WDFY4: variants seen among roughly 807,000 people sequenced by gnomAD.
WDFY4 encodes the protein WD repeat- and FYVE domain-containing protein 4.
A neutral mutation model predicts 351.9 loss-of-function variants in WDFY4; 169 were observed. The observed-to-expected ratio is 0.48, with a 90% CI of 0.42 to 0.55. The LOEUF (loss-of-function observed/expected upper bound fraction) is 0.55, where lower values mean the gene tolerates loss of function less well. WDFY4 is among the 20% of genes least tolerant of loss of function. WDFY4 has a pLI of 0.00. For synonymous variants in WDFY4, 1,622 were observed against 1,574.6 expected (o/e 1.03, Z -0.71); for missense variants, 3,803 against 3,935.6 (o/e 0.97, Z 0.90).
At chr10:48,813,725 G>A (rs934060315) in intron 30 of WDFY4, among the ~76,000 whole-genome samples, 7 of 152,200 alleles carry the variant, frequency 4.6e-5, no homozygotes, top group Non-Finnish European at 1.0e-4. Flanking sequence ...CAAAATAACT[G>A]AACTACATGC....
chr10:48,822,125 G>A (rs903452917), intron 34 of WDFY4, among the ~76,000 whole-genome samples: 1 of 152,146 alleles, frequency 6.6e-6, no homozygotes, highest in African/African-American at 2.4e-5. Context: ...CCTCCAAAAA[G>A]CCACAGGAAG....
At position 48,779,364 on chromosome 10, in the gene WDFY4, G is replaced by A. The variant is rs375692079; in HGVS notation, c.3397+532G>A. Among the ~76,000 whole-genome samples, 19 of 152,334 alleles carry A rather than the reference G, an allele frequency of 1.2e-4. 1 individual carries two copies. The South Asian group carries it at 1.4e-3, about 12-fold the overall frequency. On this transcript the variant is annotated intron_variant, in intron 18 of 61. Coordinates refer to ENST00000325239, the MANE Select transcript of WDFY4 (RefSeq NM_001394531.1). ...CTGGCTCTGCCCTTTGGAGCCCAGC[G>A]TTGTTCTCCAGGCTCATTTGCCTGA...
intron 52 of WDFY4, among the ~76,000 whole-genome samples, chr10:48,958,381 G>GGAGGT (rs1841705891): frequency 6.6e-6 from 1 of 152,170 alleles, no homozygotes; most frequent in African/African-American, 2.4e-5. Flanking sequence ...AGTCACTCAG[G>GGAGGT]GAGGGTGGCA....
chr10:48,826,606 A>T, intron 35 of WDFY4, 65 bp from the exon 36 acceptor site: 3 of 1,252,870 alleles, frequency 2.4e-6, no homozygotes. Context: ...GGTAAACTGG[A>T]TCTGTATCTA....
chr10:48,769,684 T>C (rs1435750769), intron 13 of WDFY4, among the ~76,000 whole-genome samples: 2 of 152,164 alleles, frequency 1.3e-5, no homozygotes. Context: ...CCAACACCCA[T>C]GCCTCTTTAG....
At chr10:48,892,996 A>C (rs1447434157) in intron 44 of WDFY4, among the ~76,000 whole-genome samples, 2 of 152,250 alleles carry the variant, frequency 1.3e-5, no homozygotes, top group Non-Finnish European at 2.9e-5. Flanking sequence ...CACACACACA[A>C]AAAAACAGAA....
intron 44 of WDFY4, among the ~76,000 whole-genome samples, chr10:48,894,243 G>A (rs1836959576): frequency 1.3e-5 from 2 of 152,206 alleles, no homozygotes; most frequent in South Asian, 4.1e-4. Context: ...ATTTTCCAGA[G>A]CATTCTTCCA....
At chr10:48,811,832 GC>G in intron 30 of WDFY4, 124 bp downstream of exon 30, 1 of 1,012,672 alleles carries the variant, frequency 9.9e-7, no homozygotes, top group Non-Finnish European at 1.4e-6. Context: ...TGGGGTGCTG[GC>G]CCACTTCCCT....
chr10:48,936,845 A>G (rs2133724834), intron 47 of WDFY4, among the ~76,000 whole-genome samples: 1 of 151,500 alleles, frequency 6.6e-6, no homozygotes, highest in East Asian at 1.9e-4. Flanking sequence ...CTCAAAAAAA[A>G]AAAAAAGAAA....
intron 57 of WDFY4, among the ~76,000 whole-genome samples, chr10:48,970,722 C>T (rs139403847): frequency 1.3e-3 from 193 of 152,304 alleles, no homozygotes; most frequent in African/African-American, 4.4e-3. Flanking sequence ...AGCTTATTGA[C>T]AGCCCTGTAA....
intron 11 of WDFY4, among the ~76,000 whole-genome samples, chr10:48,741,040 G>C (rs184119741): frequency 6.6e-6 from 1 of 152,046 alleles, no homozygotes; most frequent in Non-Finnish European, 1.5e-5. Context: ...AATCTGTTTT[G>C]TTTTTTAAAT....
chr10:48,820,629 C>G (rs1406383061), intron 33 of WDFY4, among the ~76,000 whole-genome samples, 192 bp downstream of exon 33: 2 of 152,114 alleles, frequency 1.3e-5, no homozygotes, highest in African/African-American at 4.8e-5. Flanking sequence ...AGAAGCAGAG[C>G]CTGAGGTGGG....
At position 48,709,831 on chromosome 10, in the gene WDFY4, T is replaced by C. The variant is rs1218183329; in HGVS notation, c.99T>C (p.His33=). 1.9e-6 allele frequency: 3 copies of C among 1,551,742 alleles called. No individual in the cohort carries two copies. Among genetic ancestry groups the C allele is most frequent in the East Asian group, 2.4e-5 (1 of 40,938 alleles). Residue 33 remains histidine (H), a synonymous_variant, in exon 2 of 62, where the codon CAT becomes CAC. Coordinates refer to ENST00000325239, the MANE Select transcript of WDFY4 (RefSeq NM_001394531.1). ...QLAAVQPDVP[H]GGQSSSPTAL... ...CTGCTGTGCAGCCTGATGTCCCACA[T>C]GGAGGGCAGTCCTCCAGCCCCACAG... is the stretch of plus-strand genomic sequence containing the variant.
chr10:48,777,177 A>G (rs2066060638), intron 16 of WDFY4, among the ~76,000 whole-genome samples, 193 bp downstream of exon 16: 1 of 151,872 alleles, frequency 6.6e-6, no homozygotes, highest in African/African-American at 2.4e-5. Context: ...GAGGGCCAAG[A>G]CCCTCTTTTC....
chr10:48,807,156 C>T (rs370658463), intron 27 of WDFY4, among the ~76,000 whole-genome samples: 6 of 152,290 alleles, frequency 3.9e-5, no homozygotes, highest in African/African-American at 1.4e-4. Flanking sequence ...CCTATTTCTA[C>T]AGTATGGCGT....
intron 47 of WDFY4, among the ~76,000 whole-genome samples, chr10:48,926,448 C>G (rs1383663492): frequency 6.6e-6 from 1 of 152,190 alleles, no homozygotes; most frequent in Non-Finnish European, 1.5e-5. Context: ...TGCACTCTGG[C>G]TGAAGCAGCC....
At chr10:48,692,816 C>T (rs930062218) in intron 1 of WDFY4, among the ~76,000 whole-genome samples, 2 of 152,214 alleles carry the variant, frequency 1.3e-5, no homozygotes, top group African/African-American at 4.8e-5. Flanking sequence ...CTCACTGTTC[C>T]ATTGTAATTA....
At chr10:48,701,527 A>G (rs145857158) in intron 1 of WDFY4, among the ~76,000 whole-genome samples, 8 of 152,372 alleles carry the variant, frequency 5.3e-5, no homozygotes, top group African/African-American at 1.9e-4. Context: ...AAAGTGGATG[A>G]GAACTTAAAG....
intron 59 of WDFY4, among the ~76,000 whole-genome samples, chr10:48,978,075 T>C (rs112488528): frequency 0.043 from 6,487 of 152,190 alleles, 182 homozygotes; most frequent in Middle Eastern, 0.1. Flanking sequence ...CTTAGGGACA[T>C]GGGTGGGGTA....
Sources: allele counts gnomAD v4.1 joint callset (sites outside exome capture counted in the v4.1 genomes callset), GRCh38; gene constraint gnomAD v4.1.1; transcripts MANE v1.5; gene names NCBI Gene and HGNC (gene_info 2026-07-23, HGNC 2026-07-21).